SETBP1: variants seen among roughly 807,000 people sequenced by gnomAD.
SETBP1 encodes the protein SET binding protein 1.
In SETBP1, 9 loss-of-function variants were observed where a neutral mutation model predicts 101.0. The ratio of observed to expected loss-of-function variants is 0.09; its 90% CI spans 0.05 to 0.16. The LOEUF is 0.16. SETBP1 is among the 10% of genes least tolerant of loss of function. SETBP1 has a pLI of 1.00. For missense variants in SETBP1, 1,858 were observed against 2,033.8 expected, an observed-to-expected ratio of 0.91 and a Z score of 1.66; for synonymous variants, 818 against 788.5, an observed-to-expected ratio of 1.04 and a Z score of -0.63.
intron 2 of SETBP1, among the ~76,000 whole-genome samples, chr18:44,725,866 G>A (rs1275044097): frequency 6.6e-6 from 1 of 152,126 alleles, no homozygotes; most frequent in East Asian, 1.9e-4. Flanking sequence ...GACTAAGGCA[G>A]TTTCAGTTTT....
At chr18:44,767,319 C>G (rs996646491) in intron 2 of SETBP1, among the ~76,000 whole-genome samples, 1 of 152,226 alleles carries the variant, frequency 6.6e-6, no homozygotes, top group South Asian at 2.1e-4. Context: ...TAATGGCATC[C>G]ATTACTACAA....
intron 4 of SETBP1, among the ~76,000 whole-genome samples, chr18:44,974,069 G>C (rs1249217366): frequency 6.6e-6 from 1 of 152,176 alleles, no homozygotes; most frequent in Non-Finnish European, 1.5e-5. Context: ...ATAAAGTGCA[G>C]TGGCTTACAA....
At chr18:44,953,430 C>A in intron 4 of SETBP1, 90 bp downstream of exon 4, 1 of 1,195,846 alleles carries the variant, frequency 8.4e-7, no homozygotes, top group South Asian at 1.3e-5. Context: ...ATTGTGTTCA[C>A]TAGTTTGCAA....
intron 3 of SETBP1, among the ~76,000 whole-genome samples, chr18:44,913,984 T>C (rs772926507): frequency 6.6e-6 from 1 of 152,168 alleles, no homozygotes. Flanking sequence ...ATAATAATAA[T>C]AATGCAGGAC....
intron 3 of SETBP1, among the ~76,000 whole-genome samples, chr18:44,940,524 G>A (rs1372108620): frequency 6.6e-6 from 1 of 151,792 alleles, no homozygotes; most frequent in Non-Finnish European, 1.5e-5. Flanking sequence ...TTTTAGATAT[G>A]CAACTTTTTT....
At chr18:44,770,302 G>A (rs1178612159) in intron 2 of SETBP1, among the ~76,000 whole-genome samples, 3 of 152,208 alleles carry the variant, frequency 2.0e-5, no homozygotes, top group African/African-American at 7.2e-5. Flanking sequence ...CTGGGAGCCT[G>A]GAAGAAAACA....
chr18:44,988,338 GAGA>G (rs568457762), intron 4 of SETBP1: 44 of 152,232 alleles, frequency 2.9e-4, no homozygotes, highest in African/African-American at 9.4e-4. Flanking sequence ...GATGATAATG[GAGA>G]AGGAGAAAAG....
chr18:44,810,072 G>A (rs990855045), intron 2 of SETBP1, among the ~76,000 whole-genome samples: 3 of 152,172 alleles, frequency 2.0e-5, no homozygotes, highest in Non-Finnish European at 4.4e-5. Context: ...GCATTTATTA[G>A]AAAGTAAAGC....
intron 2 of SETBP1, among the ~76,000 whole-genome samples, chr18:44,865,986 C>T (rs1395439916): frequency 6.6e-6 from 1 of 152,204 alleles, no homozygotes; most frequent in Non-Finnish European, 1.5e-5. Flanking sequence ...TGTATCCTCC[C>T]ACACATCATC....
intron 4 of SETBP1, among the ~76,000 whole-genome samples, chr18:44,972,705 G>A (rs1237661920): frequency 6.6e-6 from 1 of 152,196 alleles, no homozygotes; most frequent in African/African-American, 2.4e-5. Context: ...AAGAATGCTT[G>A]TGATTTTTTC....
At chr18:45,024,219 T>C (rs1218115512) in intron 4 of SETBP1, among the ~76,000 whole-genome samples, 1 of 152,178 alleles carries the variant, frequency 6.6e-6, no homozygotes, top group Non-Finnish European at 1.5e-5. Flanking sequence ...ACTTCTGTAA[T>C]AGGGATTTCA....
intron 2 of SETBP1, among the ~76,000 whole-genome samples, chr18:44,806,569 G>A (rs1292754537): frequency 4.3e-5 from 5 of 117,222 alleles, no homozygotes; most frequent in African/African-American, 9.8e-5. Context: ...ACTAGCCTAC[G>A]TTTTCTGACT....
At chr18:45,041,194 A>G (rs79233727) in intron 5 of SETBP1, among the ~76,000 whole-genome samples, 1 of 152,066 alleles carries the variant, frequency 6.6e-6, no homozygotes, top group African/African-American at 2.4e-5. Flanking sequence ...GCAAAGGCAG[A>G]TTTTTTTTCT....
rs369829631 is a variant in SETBP1, at chr18:44,915,134, G to T, written c.541-34747G>T. Among the ~76,000 whole-genome samples, 22 of 152,234 alleles carry T rather than the reference G, an allele frequency of 1.4e-4. 2 individuals are homozygous for T. The South Asian group carries it at 4.6e-3, about 32-fold the overall frequency. ...CTGCGTGCCCAACTTGGTGATCAAA[G>T]ATCCCTAATATAATAGGGCATCCTT... On this transcript the variant is annotated intron_variant, in intron 3 of 5. Coordinates refer to ENST00000649279, the MANE Select transcript of SETBP1 (RefSeq NM_015559.3).
chr18:45,038,865 C>T (rs2073454285), intron 5 of SETBP1, among the ~76,000 whole-genome samples: 1 of 152,152 alleles, frequency 6.6e-6, no homozygotes, highest in Admixed American at 6.5e-5. Flanking sequence ...AGGGTGGGTA[C>T]TCTGGAAAGC....
Position 45,038,580 on chromosome 18 carries a change from G to A in SETBP1, c.4096G>A (p.Ala1366Thr), listed in dbSNP as rs145549368. The change falls in exon 5 of 6, where the codon GCA becomes ACA. Residue 1366 changes from alanine (A) to threonine (T), a missense_variant. Coordinates refer to ENST00000649279, the MANE Select transcript of SETBP1 (RefSeq NM_015559.3). ...CATGATGACCAGGAAGAAGCCAGCC[G>A]CAGTTGACAGTGTTACAATTCCACC... is the stretch of plus-strand genomic sequence containing the variant. ...PTMMTRKKPA[A>T]VDSVTIPPAP... 3.2e-5 allele frequency: 52 copies of A among 1,614,158 alleles called. No homozygotes were observed. The Middle Eastern group carries it at 4.9e-4, about 15-fold the overall frequency.
At chr18:44,817,765 C>T (rs2072014451) in intron 2 of SETBP1, among the ~76,000 whole-genome samples, 1 of 151,578 alleles carries the variant, frequency 6.6e-6, no homozygotes. Context: ...TACGAACATT[C>T]TTCAAAATCA....
intron 5 of SETBP1, among the ~76,000 whole-genome samples, chr18:45,048,711 G>C (rs374421833): frequency 1.3e-5 from 2 of 151,900 alleles, no homozygotes; most frequent in Non-Finnish European, 2.9e-5. Context: ...GGTGGCTCAC[G>C]CCTGTAATCC....
intron 4 of SETBP1, among the ~76,000 whole-genome samples, chr18:45,035,453 A>G (rs1217291675): frequency 1.3e-5 from 2 of 152,256 alleles, no homozygotes; most frequent in Admixed American, 1.3e-4. Context: ...ATATTCTGTA[A>G]CATGAACACT....
Sources: allele counts gnomAD v4.1 joint callset (sites outside exome capture counted in the v4.1 genomes callset), GRCh38; gene constraint gnomAD v4.1.1; transcripts MANE v1.5; gene names NCBI Gene and HGNC (gene_info 2026-07-23, HGNC 2026-07-21).